The following CCDC158 variants were observed in gnomAD, a reference collection of about 807,000 sequenced individuals.
CCDC158 encodes coiled-coil domain containing 158, also known as coiled-coil domain-containing protein 158.
In CCDC158, 116 loss-of-function variants were observed where a neutral mutation model predicts 138.6. The ratio of observed to expected loss-of-function variants is 0.84; its 90% CI spans 0.72 to 0.98. The LOEUF is 0.98. Ranked by LOEUF, CCDC158 falls within the 50% of genes least tolerant of loss-of-function variation. The pLI, the probability that CCDC158 is intolerant of heterozygous loss-of-function variation, is 0.00. For synonymous variants in CCDC158, 436 were observed against 442.4 expected (o/e 0.99, Z 0.18); for missense variants, 1,265 against 1,306.1 (o/e 0.97, Z 0.48).
intron 24 of CCDC158, among the ~76,000 whole-genome samples, chr4:76,320,300 A>G (rs367705522): frequency 1.3e-5 from 2 of 152,346 alleles, no homozygotes; most frequent in African/African-American, 4.8e-5. Flanking sequence ...GACAACACAC[A>G]CAAATGGAAA....
At chr4:76,411,950 T>C (rs1285968558) in intron 2 of CCDC158, 140 bp downstream of exon 2, 1 of 152,212 alleles carries the variant, frequency 6.6e-6, no homozygotes, top group Non-Finnish European at 1.5e-5. Context: ...ACGATATATT[T>C]ATATTCTGGC....
chr4:76,388,994 C>G (rs1245081959), intron 4 of CCDC158, among the ~76,000 whole-genome samples: 1 of 152,048 alleles, frequency 6.6e-6, no homozygotes, highest in Admixed American at 6.6e-5. Flanking sequence ...GAAGAACAGG[C>G]ACAAATAAGC....
rs193096685 is a variant in CCDC158, at chr4:76,357,374, C to A, written c.2173G>T (p.Ala725Ser). ...LKSMEGSDGH[A>S]MKVAMGMQKQ... Reference sequence around the variant, plus strand: ...AAATTTTAAATCTAACAGAGCATACCATGACCATCAGATCCTTCCATTGAC... The same window carrying A: ...AAATTTTAAATCTAACAGAGCATACAATGACCATCAGATCCTTCCATTGAC... Residue 725 changes from alanine (A) to serine (S), a missense_variant and splice_region_variant, in exon 14 of 25, where the codon GCT becomes TCT. Transcript: ENST00000682701. 15 of 1,526,574 alleles carry A rather than the reference C, an allele frequency of 9.8e-6. No individual in the cohort carries two copies. In the East Asian group the frequency reaches 2.6e-4, roughly 27 times the overall value. The allele number at this position is 1,526,574 out of a possible 1,614,324, so 94.6% of individuals were successfully genotyped here.
chr4:76,342,707 A>G (rs1190473821), intron 18 of CCDC158, among the ~76,000 whole-genome samples: 2 of 152,218 alleles, frequency 1.3e-5, no homozygotes, highest in Non-Finnish European at 2.9e-5. Context: ...AGGACAGATA[A>G]TAATAGATTA....
At chr4:76,404,665 A>C (rs1435038557) in intron 2 of CCDC158, among the ~76,000 whole-genome samples, 1 of 152,110 alleles carries the variant, frequency 6.6e-6, no homozygotes, top group African/African-American at 2.4e-5. Flanking sequence ...TGTAATAAAA[A>C]TTTAATAAAG....
At position 76,345,373 on chromosome 4, in the gene CCDC158, G is replaced by C. The variant is rs368841679; in HGVS notation, c.2664+5623C>G. On this transcript the variant is annotated intron_variant, in intron 18 of 24. Coordinates refer to ENST00000682701, the MANE Select transcript of CCDC158 (RefSeq NM_001394954.1). Reference sequence around the variant, plus strand: ...GCTCTGGATAAGGCCCGGTTAAAGAGCAAAGACGTCAAATTGGCTGAGGCA... The same window carrying C: ...GCTCTGGATAAGGCCCGGTTAAAGACCAAAGACGTCAAATTGGCTGAGGCA... 2.9e-6 allele frequency: 3 copies of C among 1,048,932 alleles called. No homozygotes were observed. The African/African-American group carries it at 4.7e-5, about 16-fold the overall frequency. 65.0% of individuals were successfully genotyped at this position (1,048,932 alleles called of 1,614,324 possible). A position where few individuals can be genotyped will look rare whatever the true frequency, so the allele number is the denominator to read the frequency against.
At chr4:76,407,391 C>A (rs1242889380) in intron 2 of CCDC158, 1 of 145,088 alleles carries the variant, frequency 6.9e-6, no homozygotes, top group Non-Finnish European at 1.5e-5. Flanking sequence ...GATTGCTAGG[C>A]AATTTAAATG....
intron 18 of CCDC158, chr4:76,344,783 G>A (rs939416509): frequency 6.2e-6 from 10 of 1,608,922 alleles, no homozygotes; most frequent in African/African-American, 2.7e-5. Context: ...CTGCTGCTAT[G>A]AAGCCCGACT....
intron 22 of CCDC158, among the ~76,000 whole-genome samples, chr4:76,327,205 C>T (rs1560786959): frequency 6.6e-6 from 1 of 152,030 alleles, no homozygotes; most frequent in Non-Finnish European, 1.5e-5. Context: ...CGAAGTAAAC[C>T]TGAAGGAATT....
At chr4:76,373,741 TC>T (rs1333610575) in intron 9 of CCDC158, among the ~76,000 whole-genome samples, 1 of 152,146 alleles carries the variant, frequency 6.6e-6, no homozygotes, top group African/African-American at 2.4e-5. Flanking sequence ...CCTACAGAAA[TC>T]AGAGTATAGA....
intron 4 of CCDC158, among the ~76,000 whole-genome samples, chr4:76,395,174 G>A (rs1167160410): frequency 1.3e-5 from 2 of 152,042 alleles, no homozygotes; most frequent in African/African-American, 4.8e-5. Context: ...GTGCCTCTGT[G>A]CTTCGTTTGT....
rs964578419 is a variant in CCDC158 at position 76,331,372 on chromosome 4, C to T, written c.2914G>A (p.Gly972Arg). 2 of 1,613,920 alleles carry T rather than the reference C, an allele frequency of 1.2e-6. No homozygotes were observed. Among genetic ancestry groups the T allele is most frequent in the Non-Finnish European group, 8.5e-7 (1 of 1,179,854 alleles). The change falls in exon 21 of 25, where the codon GGA (glycine) becomes AGA (arginine). Residue 972 changes from glycine (G) to arginine (R), a missense_variant. Gly to Arg is a moderately radical substitution (Grantham distance 125). Coordinates refer to ENST00000682701, the MANE Select transcript of CCDC158 (RefSeq NM_001394954.1). ...CTAAGAGTTTCACTTGATTTGCTTC[C>T]TTCAGTGGAGTCCCTCAACGAGTTG... ...SNNSLRDSTE[G>R]SKSSETLSRE...
chr4:76,323,935 G>T (rs1304171581), intron 23 of CCDC158, among the ~76,000 whole-genome samples: 3 of 152,148 alleles, frequency 2.0e-5, no homozygotes, highest in African/African-American at 7.2e-5. Flanking sequence ...AACAAATGTG[G>T]CAGTGGCAAC....
At chr4:76,402,768 A>T (rs1363029111) in intron 3 of CCDC158, among the ~76,000 whole-genome samples, 3 of 151,660 alleles carry the variant, frequency 2.0e-5, no homozygotes, top group Non-Finnish European at 4.4e-5. Flanking sequence ...TAAAATCAGC[A>T]GGGCCTCAGT....
chr4:76,403,984 T>A (rs1728615134), intron 2 of CCDC158, among the ~76,000 whole-genome samples: 2 of 151,974 alleles, frequency 1.3e-5, no homozygotes, highest in Admixed American at 6.6e-5. Context: ...GCCAAAATAT[T>A]AAGCACAGGT....
intron 1 of CCDC158, among the ~76,000 whole-genome samples, chr4:76,413,466 C>A (rs139055419): frequency 0.011 from 1,518 of 142,674 alleles, 23 homozygotes; most frequent in African/African-American, 0.038. Context: ...CAGAGTGAGA[C>A]CTTGTCTCAA....
intron 4 of CCDC158, among the ~76,000 whole-genome samples, chr4:76,387,323 G>A (rs1051310145): frequency 3.3e-5 from 5 of 152,046 alleles, no homozygotes; most frequent in African/African-American, 1.2e-4. Context: ...ATACACCCTG[G>A]GCCAAAAGGG....
At position 76,379,285 on chromosome 4, in the gene CCDC158, C is replaced by G; in HGVS notation, c.1029+5G>C. On this transcript the variant is annotated splice_donor_5th_base_variant and intron_variant, in intron 9 of 24. Transcript: ENST00000682701. The stretch of plus-strand genomic sequence containing the variant: ...TAGAAACAGACCAGCAAAACCTAAA[C>G]TCACCTTGTCTTCATACATCCTTTT... 8 of 1,574,482 alleles carry G rather than the reference C, an allele frequency of 5.1e-6. No homozygotes were observed. The highest frequency in any genetic ancestry group is 6.9e-6 in the Non-Finnish European group (8 of 1,155,898).
At chr4:76,344,623 G>C (rs1722369430) in intron 18 of CCDC158, 3 of 1,502,196 alleles carry the variant, frequency 2.0e-6, no homozygotes, top group Admixed American at 1.7e-5. Context: ...CTCAGTGAGA[G>C]AGATAAAGTC....
Sources: allele counts gnomAD v4.1 joint callset (sites outside exome capture counted in the v4.1 genomes callset), GRCh38; gene constraint gnomAD v4.1.1; transcripts MANE v1.5; gene names NCBI Gene and HGNC (gene_info 2026-07-23, HGNC 2026-07-21).